The following CFAP65 variants were observed in gnomAD, a reference collection of about 807,000 sequenced individuals.
CFAP65 encodes cilia- and flagella-associated protein 65.
In CFAP65, 155 loss-of-function variants were observed where a neutral mutation model predicts 208.0. That is an observed-to-expected ratio of 0.75 (90% CI 0.65 to 0.85). The LOEUF is 0.85. CFAP65 is among the 40% of genes least tolerant of loss of function. The pLI is 0.00. For missense variants in CFAP65, 2,294 were observed against 2,451.3 expected (o/e 0.94, Z 1.36); for synonymous variants, 970 against 986.3 (o/e 0.98, Z 0.31).
Position 219,040,531 on chromosome 2 carries a change from A to C in CFAP65, c.-15T>G. 6.6e-7 allele frequency: 1 copy of C among 1,521,780 alleles called. No homozygotes were observed. Among genetic ancestry groups the C allele is most frequent in the Non-Finnish European group, 8.9e-7 (1 of 1,120,044 alleles). The allele number at this position is 1,521,780 out of a possible 1,614,324, so 94.3% of individuals were successfully genotyped here. On this transcript the variant is annotated 5_prime_UTR_variant, in exon 2 of 35. Transcript: ENST00000341552. ...GCAAGGCTCCTACCTCCAATTGTGA[A>C]CTGGACGTTCAGATGAAATCAAAGA...
intron 9 of CFAP65, 42 bp from the exon 10 acceptor site, chr2:219,030,250 C>A: frequency 6.3e-7 from 1 of 1,586,646 alleles, no homozygotes; most frequent in Non-Finnish European, 8.7e-7. Context: ...GGTCACAGAG[C>A]AGAGCACTGT....
chr2:219,029,910 G>A, intron 10 of CFAP65, 76 bp downstream of exon 10: 1 of 1,434,354 alleles, frequency 7.0e-7, no homozygotes, highest in Non-Finnish European at 9.6e-7. Context: ...CCTCCTAGGA[G>A]CAGGGAAGGA....
chr2:219,039,907 G>A (rs1394581647), intron 2 of CFAP65, among the ~76,000 whole-genome samples: 1 of 152,126 alleles, frequency 6.6e-6, no homozygotes. Flanking sequence ...AGACTACTCA[G>A]TATCCTCCCT....
intron 21 of CFAP65, among the ~76,000 whole-genome samples, chr2:219,016,636 C>T (rs559369319): frequency 6.6e-6 from 1 of 152,302 alleles, no homozygotes; most frequent in South Asian, 2.1e-4. Context: ...TCCCTTCCAG[C>T]CCTCTAGCGT....
In CFAP65 at chr2:219,028,007, A is replaced by G; in HGVS notation, c.1854T>C (p.Asp618=). 1 of 1,517,140 alleles carries G rather than the reference A, an allele frequency of 6.6e-7. No homozygotes were observed. Among genetic ancestry groups the G allele is most frequent in the Non-Finnish European group, 8.8e-7 (1 of 1,134,174 alleles). The allele number at this position is 1,517,140 out of a possible 1,614,324, so 94.0% of individuals were successfully genotyped here. A position where few individuals can be genotyped will look rare whatever the true frequency, so the allele number is the denominator to read the frequency against. ...QNGALMIPIQ[D]LEDMPAPQYP... ...ACTGCGGGGCCGGCATGTCCTCCAG[A>G]TCCTGCATGGGGAAAGACAGGTGGA... The change falls in exon 13 of 35, where the codon GAT becomes GAC. Residue 618 remains aspartate, a splice_region_variant and synonymous_variant. Coordinates refer to ENST00000341552, the MANE Select transcript of CFAP65 (RefSeq NM_194302.4).
rs1265341007 is a variant in CFAP65 at position 219,002,966 on chromosome 2, C to G, written c.5749G>C (p.Val1917Leu). The part of the protein sequence containing the change: ...PTQQAEVLHP[V>L]VPLPTDLP ...GGAAGGTCGGTAGGAAGTGGCACCA[C>G]CGGGTGGAGTACCTCTGCTTGCTGC... Residue 1917 changes from valine (V) to leucine (L), a missense_variant, in exon 35 of 35, where the codon GTG (valine) becomes CTG (leucine). Physicochemically the swap from Val to Leu is conservative, Grantham distance 32. Around this residue, in one of 2 missense-constraint regions of CFAP65, gnomAD observed 1,427 missense variants for 1,438.7 expected, o/e 0.99. Coordinates refer to ENST00000341552, the MANE Select transcript of CFAP65 (RefSeq NM_194302.4). This position sits in a 1 kb window ranked among gnomAD's most constrained non-coding sequence, Gnocchi z 7.9. 1.3e-6 allele frequency: 2 copies of G among 1,566,766 alleles called. No individual in the cohort carries two copies. Among genetic ancestry groups the G allele is most frequent in the Non-Finnish European group, 1.7e-6 (2 of 1,155,540 alleles).
chr2:219,013,192 C>A, intron 24 of CFAP65, 67 bp downstream of exon 24: 1 of 1,091,588 alleles, frequency 9.2e-7, no homozygotes, highest in South Asian at 1.3e-5. Flanking sequence ...CTCTCAAGGG[C>A]TGACACTCAT....
At chr2:219,041,336 G>A (rs1055301773) in intron 1 of CFAP65, 152 bp downstream of exon 1, 19 of 691,384 alleles carry the variant, frequency 2.7e-5, no homozygotes, top group Admixed American at 1.6e-4. Flanking sequence ...TCTCGCCCAA[G>A]ACTCAGTCCC....
chr2:219,037,639 C>T (rs1280590731), intron 4 of CFAP65, among the ~76,000 whole-genome samples: 3 of 152,164 alleles, frequency 2.0e-5, no homozygotes, highest in African/African-American at 7.2e-5. Context: ...CTTCTCCCTT[C>T]ATCCCATCTT....
intron 15 of CFAP65, 68 bp from the exon 16 acceptor site, chr2:219,023,499 C>A: frequency 8.3e-7 from 1 of 1,199,030 alleles, no homozygotes; most frequent in South Asian, 1.4e-5. Context: ...ACAACATGTC[C>A]AGGAAGCCAT....
rs200113666 is a variant in CFAP65, at chr2:219,027,805, C to T, written c.2056G>A (p.Val686Met). Residue 686 changes from valine to methionine, a missense_variant, in exon 13 of 35, where the codon GTG becomes ATG. Physicochemically the swap from Val to Met is conservative, Grantham distance 21. Around this residue, in one of 2 missense-constraint regions of CFAP65, gnomAD observed 867 missense variants for 1,012.6 expected, o/e 0.86. Transcript: ENST00000341552. ...LMNHTKGKIM[V>M]VWTRRSDCPF... The stretch of plus-strand genomic sequence containing the variant: ...CAGTCAGACCTTCGCGTCCAGACCA[C>T]CATGATCTTGCCCTTGGTGTGGTTC... 6.2e-7 allele frequency: 1 copy of T among 1,611,686 alleles called. No homozygotes were observed. Among genetic ancestry groups the T allele is most frequent in the African/African-American group, 1.3e-5 (1 of 75,008 alleles).
intron 29 of CFAP65, 49 bp downstream of exon 29, chr2:219,008,998 G>A: frequency 6.6e-7 from 1 of 1,509,670 alleles, no homozygotes; most frequent in South Asian, 1.1e-5. Flanking sequence ...CCTCTGGTAA[G>A]GCCAGTCAGA....
chr2:219,006,114 C>A lies in CFAP65; in HGVS notation c.4829G>T (p.Gly1610Val), dbSNP rs1266081383. Reference protein sequence around the residue: ...SWPCPQPPSPGMLCLGLTARA... With the variant: ...SWPCPQPPSPVMLCLGLTARA... ...GGCAGTAAGGCCCAGGCAGAGCATG[C>A]CTGGCGAGGGTGGCTGGGGGCAGGG... The change falls in exon 31 of 35, where the codon GGC (glycine) becomes GTC (valine). Residue 1610 changes from glycine to valine, a missense_variant. Gly to Val is a moderately radical substitution (Grantham distance 109). Around this residue, in one of 2 missense-constraint regions of CFAP65, gnomAD observed 1,427 missense variants for 1,438.7 expected, o/e 0.99. Coordinates refer to ENST00000341552, the MANE Select transcript of CFAP65 (RefSeq NM_194302.4). 1 of 1,613,504 alleles carries A rather than the reference C, an allele frequency of 6.2e-7. No homozygotes were observed. The highest frequency in any genetic ancestry group is 8.5e-7 in the Non-Finnish European group (1 of 1,179,990).
chr2:219,022,959 G>C (rs359977), intron 16 of CFAP65, among the ~76,000 whole-genome samples: 10,791 of 152,260 alleles, frequency 0.071, 1,173 homozygotes, highest in African/African-American at 0.23. Context: ...CAGAAACACT[G>C]GTTCCAGTCC....
chr2:219,022,766 G>C (rs1211401260), intron 16 of CFAP65, among the ~76,000 whole-genome samples: 1 of 152,184 alleles, frequency 6.6e-6, no homozygotes, highest in Non-Finnish European at 1.5e-5. Context: ...TCTAGACTAG[G>C]GACAGGGGTC....
chr2:219,019,010 C>T (rs1290437737), intron 21 of CFAP65, 41 bp downstream of exon 21: 2 of 1,613,534 alleles, frequency 1.2e-6, no homozygotes, highest in Non-Finnish European at 1.7e-6. Context: ...CCTCTAGGCA[C>T]TTGTCTCCCA....
At chr2:219,010,116 A>C in intron 26 of CFAP65, 31 bp from the exon 27 acceptor site, 1 of 1,552,832 alleles carries the variant, frequency 6.4e-7, no homozygotes, top group Non-Finnish European at 8.7e-7. Flanking sequence ...TAAAGAAATA[A>C]GAACCGGCCA....
rs115690930 is a variant in CFAP65, at chr2:219,011,573, C to T, written c.3958-577G>A. Among the ~76,000 whole-genome samples, 591 of 152,194 alleles carry T rather than the reference C, an allele frequency of 3.9e-3. 5 individuals are homozygous for T. The highest frequency in any genetic ancestry group is 0.013 in the African/African-American group (559 of 41,516). ...CTGGGATTACAGGCTTGAGCCACTG[C>T]GCCTGGCCAAGGGAGTTCTGCTTAA... On this transcript the variant is annotated intron_variant, in intron 24 of 34. Coordinates refer to ENST00000341552, the MANE Select transcript of CFAP65 (RefSeq NM_194302.4).
In CFAP65 at chr2:219,027,895, C is replaced by T. The variant is rs748943786; in HGVS notation, c.1966G>A (p.Val656Ile). ...IFPPPISVEP[V>I]EVDFGACPGP... ...GGGCAGGCACCGAAGTCTACCTCGA[C>T]AGGCTCTACACTGATGGGCGGGGGG... Residue 656 changes from valine (V) to isoleucine (I), a missense_variant, in exon 13 of 35, where the codon GTC becomes ATC. Val to Ile is a conservative substitution (Grantham distance 29). This residue lies in a region of CFAP65 where 867 missense variants were observed against 1,012.6 expected (regional missense o/e 0.86). Coordinates refer to ENST00000341552, the MANE Select transcript of CFAP65 (RefSeq NM_194302.4). 5.1e-6 allele frequency: 8 copies of T among 1,554,600 alleles called. No homozygotes were observed. In the Admixed American group the frequency reaches 1.3e-4, roughly 25 times the overall value.
Sources: allele counts gnomAD v4.1 joint callset (sites outside exome capture counted in the v4.1 genomes callset), GRCh38; gene constraint gnomAD v4.1.1; regional missense constraint gnomAD v4.1.1; non-coding constraint Gnocchi (gnomAD v3.1); transcripts MANE v1.5; gene names NCBI Gene and HGNC (gene_info 2026-07-23, HGNC 2026-07-21).